Variants in PCDHGB3 observed in about 807,000 individuals in gnomAD.
PCDHGB3 encodes the protein protocadherin gamma subfamily B, 3.
In PCDHGB3, 40 loss-of-function variants were observed where a neutral mutation model predicts 59.2. The observed-to-expected ratio is 0.68, with a 90% CI of 0.52 to 0.88. The LOEUF (loss-of-function observed/expected upper bound fraction) is 0.88. Among genes scored for constraint, PCDHGB3 ranks in the 40% least tolerant of loss-of-function variants. PCDHGB3 has a pLI of 0.00. For missense variants in PCDHGB3, 1,309 were observed against 1,187.9 expected (o/e 1.10, Z -1.50); for synonymous variants, 581 against 503.6 (o/e 1.15, Z -2.06).
rs764482722 is a variant in PCDHGB3 at position 141,432,066 on chromosome 5, C to T, written c.2415+59257C>T. 62 of 1,614,062 alleles carry T rather than the reference C, an allele frequency of 3.8e-5. No individual in the cohort carries two copies. The highest frequency in any genetic ancestry group is 5.2e-5 in the Non-Finnish European group (61 of 1,180,046). On this transcript the variant is annotated intron_variant, in intron 1 of 3. Coordinates refer to ENST00000576222, the MANE Select transcript of PCDHGB3 (RefSeq NM_018924.5). The surrounding 1 kb of genome is among the most constrained non-coding windows in gnomAD (Gnocchi z 6.0). ...GGAACCCCGCCCCTATCCACGGAAA[C>T]TCATATCTCGCTGAACGTGGCAGAC...
rs562192762 is a variant in PCDHGB3, at chr5:141,485,718, T to C, written c.2416-9089T>C. 1 of 1,614,058 alleles carries C rather than the reference T, an allele frequency of 6.2e-7. No homozygotes were observed. The highest frequency in any genetic ancestry group is 2.2e-5 in the East Asian group (1 of 44,866). On this transcript the variant is annotated intron_variant, in intron 1 of 3. Coordinates refer to ENST00000576222, the MANE Select transcript of PCDHGB3 (RefSeq NM_018924.5). This position sits in a 1 kb window ranked among gnomAD's most constrained non-coding sequence, Gnocchi z 5.7. ...TCCAATGAACACTTTGCACTGGATG[T>C]GAAGAAGCGCAGCGACGGCAGCCTG...
At chr5:141,390,462 A>C in intron 1 of PCDHGB3, 1 of 732,308 alleles carries the variant, frequency 1.4e-6, no homozygotes, top group South Asian at 2.0e-5. Context: ...AAGTAGGAGC[A>C]ATTGTGTGGC....
chr5:141,506,177 G>A (rs1024892091), intron 3 of PCDHGB3, among the ~76,000 whole-genome samples: 16 of 152,142 alleles, frequency 1.1e-4, no homozygotes, highest in Admixed American at 4.6e-4. Flanking sequence ...TAAGCTGGGC[G>A]TGGTGGCTCA....
At position 141,422,923 on chromosome 5, in the gene PCDHGB3, C is replaced by T. The variant is rs188787674; in HGVS notation, c.2415+50114C>T. The T allele has an allele frequency of 1.6e-5, 26 of 1,614,252 alleles. No homozygotes were observed. In the East Asian group the frequency reaches 2.5e-4, roughly 15 times the overall value. On this transcript the variant is annotated intron_variant, in intron 1 of 3. Coordinates refer to ENST00000576222, the MANE Select transcript of PCDHGB3 (RefSeq NM_018924.5). ...CGACAATGCGCCCGAGATCCTGTAC[C>T]CTGCCCTCCCCACAGACGGCTCCAC...
At chr5:141,374,245 G>A (rs1460959579) in intron 1 of PCDHGB3, 2 of 1,613,980 alleles carry the variant, frequency 1.2e-6, no homozygotes, top group Non-Finnish European at 1.7e-6. Context: ...ATCTGGGACT[G>A]GAGCCCCAGG....
At position 141,490,357 on chromosome 5, in the gene PCDHGB3, A is replaced by G; in HGVS notation, c.2416-4450A>G. ...AGTGGGCACAGTAGTGGGGTTGTTT[A>G]ATGTGCGAGACCGGGACTCAGGTAG... On this transcript the variant is annotated intron_variant, in intron 1 of 3. Transcript: ENST00000576222. This position sits in a 1 kb window ranked among gnomAD's most constrained non-coding sequence, Gnocchi z 5.4. The G allele has an allele frequency of 6.2e-7, 1 of 1,614,178 alleles. No individual in the cohort carries two copies. The highest frequency in any genetic ancestry group is 8.5e-7 in the Non-Finnish European group (1 of 1,180,030).
intron 1 of PCDHGB3, chr5:141,375,739 G>T (rs760131359): frequency 5.6e-6 from 9 of 1,614,126 alleles, no homozygotes; most frequent in East Asian, 4.5e-5. Context: ...GCCTGTTTGT[G>T]CTGGACCAGA....
Position 141,414,170 on chromosome 5 carries a change from T to C in PCDHGB3, c.2415+41361T>C, listed in dbSNP as rs1411353386. The C allele has an allele frequency of 6.2e-7, 1 of 1,606,208 alleles. No homozygotes were observed. The highest frequency in any genetic ancestry group is 1.7e-5 in the Admixed American group (1 of 58,580). The stretch of plus-strand genomic sequence containing the variant: ...CAAGCAGAAGATGGAGGAGCATATC[T>C]TGCAACTGCAAAAGTGTTGATTACA... On this transcript the variant is annotated intron_variant, in intron 1 of 3. Coordinates refer to ENST00000576222, the MANE Select transcript of PCDHGB3 (RefSeq NM_018924.5).
chr5:141,385,102 G>T (rs370391349), intron 1 of PCDHGB3: 1 of 1,614,056 alleles, frequency 6.2e-7, no homozygotes, highest in South Asian at 1.1e-5. Context: ...CTTGGCGAAC[G>T]TGCCCACCTC....
intron 1 of PCDHGB3, chr5:141,423,114 A>G: frequency 1.9e-6 from 3 of 1,613,848 alleles, no homozygotes; most frequent in Non-Finnish European, 1.7e-6. Context: ...AGGTGCGTAC[A>G]GCGCGGGCAC....
chr5:141,426,646 T>C (rs764903298), intron 1 of PCDHGB3: 1 of 416,448 alleles, frequency 2.4e-6, no homozygotes, highest in South Asian at 1.7e-5. Flanking sequence ...ATAAATGTGA[T>C]GATAGAAGAT....
Position 141,432,110 on chromosome 5 carries a change from G to A in PCDHGB3, c.2415+59301G>A. On this transcript the variant is annotated intron_variant, in intron 1 of 3. Coordinates refer to ENST00000576222, the MANE Select transcript of PCDHGB3 (RefSeq NM_018924.5). This position sits in a 1 kb window ranked among gnomAD's most constrained non-coding sequence, Gnocchi z 6.0. ...GGCAGACACCAACGACAACCCGCCG[G>A]TCTTCCCTCAGGCCTCCTATTCCGC... 6.2e-7 allele frequency: 1 copy of A among 1,614,108 alleles called. No individual in the cohort carries two copies. Among genetic ancestry groups the A allele is most frequent in the Non-Finnish European group, 8.5e-7 (1 of 1,180,036 alleles).
chr5:141,478,124 T>C (rs776469996), intron 1 of PCDHGB3: 1 of 1,613,978 alleles, frequency 6.2e-7, no homozygotes, highest in South Asian at 1.1e-5. Flanking sequence ...AACCGAGGAC[T>C]CTCCTGAAGC....
intron 1 of PCDHGB3, chr5:141,478,480 G>C (rs1444434721): frequency 1.9e-6 from 3 of 1,613,564 alleles, no homozygotes; most frequent in South Asian, 2.2e-5. Flanking sequence ...GCCAGAACAC[G>C]CTGCGGAGCT....
chr5:141,506,280 C>CT (rs1455257972), intron 3 of PCDHGB3, among the ~76,000 whole-genome samples: 1 of 152,024 alleles, frequency 6.6e-6, no homozygotes, highest in Non-Finnish European at 1.5e-5. Flanking sequence ...GAAACCCTGT[C>CT]TCTACTAAAA....
chr5:141,381,122 C>G (rs1328848955), intron 1 of PCDHGB3, among the ~76,000 whole-genome samples: 2 of 152,200 alleles, frequency 1.3e-5, no homozygotes, highest in Admixed American at 1.3e-4. Context: ...TCCCTGTATT[C>G]TGGAGCAATG....
intron 1 of PCDHGB3, chr5:141,420,166 A>G: frequency 1.2e-6 from 2 of 1,614,036 alleles, no homozygotes; most frequent in Non-Finnish European, 1.7e-6. Flanking sequence ...ATTTTTTCAC[A>G]TCTGTTGATC....
chr5:141,432,681 G>A lies in PCDHGB3; in HGVS notation c.2415+59872G>A, dbSNP rs147073234. 2.4e-3 allele frequency: 3,845 copies of A among 1,613,930 alleles called. 12 individuals carry two copies. Among genetic ancestry groups the A allele is most frequent in the Admixed American group, 6.0e-3 (358 of 60,016 alleles). On this transcript the variant is annotated intron_variant, in intron 1 of 3. Coordinates refer to ENST00000576222, the MANE Select transcript of PCDHGB3 (RefSeq NM_018924.5). This position sits in a 1 kb window ranked among gnomAD's most constrained non-coding sequence, Gnocchi z 6.0. Reference sequence around the variant, plus strand: ...CTGGACAGAGACGCGCTCAAGCAGAGCCTCGTAGTGGCCGTCCAGGACCAC... The same window carrying A: ...CTGGACAGAGACGCGCTCAAGCAGAACCTCGTAGTGGCCGTCCAGGACCAC...
intron 1 of PCDHGB3, chr5:141,409,203 T>C: frequency 1.2e-6 from 2 of 1,613,964 alleles, no homozygotes; most frequent in Non-Finnish European, 1.7e-6. Flanking sequence ...TGTAAAGTAA[T>C]CATAGAAATC....
Sources: allele counts gnomAD v4.1 joint callset (sites outside exome capture counted in the v4.1 genomes callset), GRCh38; gene constraint gnomAD v4.1.1; non-coding constraint Gnocchi (gnomAD v3.1); transcripts MANE v1.5; gene names NCBI Gene and HGNC (gene_info 2026-07-23, HGNC 2026-07-21).